Variants in ADCY8 observed in about 807,000 individuals in gnomAD.
ADCY8 encodes the protein adenylate cyclase 8, also known as adenylate cyclase type 8.
In ADCY8, 51 loss-of-function variants were observed where a neutral mutation model predicts 119.7. The observed-to-expected ratio is 0.43, with a 90% confidence interval of 0.34 to 0.54. ADCY8 has a LOEUF of 0.54. ADCY8 is among the 20% of genes least tolerant of loss of function. The pLI is 0.03. For synonymous variants in ADCY8, 665 were observed against 651.0 expected (o/e 1.02, Z -0.33); for missense variants, 1,383 against 1,598.8 (o/e 0.87, Z 2.30).
At chr8:130,807,286 G>A (rs1167987159) in intron 14 of ADCY8, among the ~76,000 whole-genome samples, 1 of 152,182 alleles carries the variant, frequency 6.6e-6, no homozygotes, top group Non-Finnish European at 1.5e-5. Context: ...CTATGTCTGA[G>A]ACTTGCAAAC....
chr8:130,837,213 T>C (rs1480107684), intron 11 of ADCY8, among the ~76,000 whole-genome samples: 1 of 152,210 alleles, frequency 6.6e-6, no homozygotes, highest in African/African-American at 2.4e-5. Context: ...TCTGATCATG[T>C]CACCTCTTAA....
chr8:130,948,645 T>TAAA (rs34700138), intron 3 of ADCY8, among the ~76,000 whole-genome samples: 7 of 91,194 alleles, frequency 7.7e-5, no homozygotes, highest in East Asian at 3.9e-4. Flanking sequence ...TCTTCAAAAT[T>TAAA]AAAAAAAAAA....
chr8:131,012,338 C>T (rs539527921), intron 1 of ADCY8, among the ~76,000 whole-genome samples: 132 of 152,318 alleles, frequency 8.7e-4, no homozygotes, highest in Middle Eastern at 3.4e-3. Context: ...AGCAGAGGTA[C>T]TAGTGGAGTG....
chr8:130,798,638 G>T (rs75455391), intron 15 of ADCY8, among the ~76,000 whole-genome samples: 6,116 of 152,284 alleles, frequency 0.04, 166 homozygotes, highest in Middle Eastern at 0.071. Flanking sequence ...TGCCTTTGGT[G>T]ATTGCTAATG....
intron 2 of ADCY8, among the ~76,000 whole-genome samples, chr8:130,953,855 T>C (rs1363979451): frequency 1.3e-5 from 2 of 152,224 alleles, no homozygotes; most frequent in East Asian, 3.9e-4. Context: ...AGCCCTTTCT[T>C]CTCTTGAGTG....
intron 13 of ADCY8, among the ~76,000 whole-genome samples, chr8:130,818,514 C>T (rs917159728): frequency 2.4e-4 from 37 of 152,312 alleles, no homozygotes; most frequent in African/African-American, 8.7e-4. Flanking sequence ...CACATATGTG[C>T]AAGATAAAAA....
intron 5 of ADCY8, among the ~76,000 whole-genome samples, chr8:130,916,097 G>A (rs1346602786): frequency 1.3e-5 from 2 of 152,132 alleles, no homozygotes; most frequent in Non-Finnish European, 2.9e-5. Context: ...AGTCACGAGA[G>A]GTATATTGCT....
At chr8:130,812,639 T>C (rs893499848) in intron 14 of ADCY8, among the ~76,000 whole-genome samples, 3 of 152,192 alleles carry the variant, frequency 2.0e-5, no homozygotes, top group African/African-American at 7.2e-5. Context: ...CCAGACCCTA[T>C]GGAGAGGGCA....
chr8:130,993,425 A>G (rs554899681), intron 1 of ADCY8, among the ~76,000 whole-genome samples: 1 of 152,338 alleles, frequency 6.6e-6, no homozygotes, highest in Non-Finnish European at 1.5e-5. Flanking sequence ...GCAAAGATAG[A>G]GATAATCTGG....
chr8:130,787,380 C>T (rs1196089876), intron 15 of ADCY8, among the ~76,000 whole-genome samples: 3 of 152,098 alleles, frequency 2.0e-5, no homozygotes, highest in Admixed American at 6.6e-5. Context: ...TGCTGTGTGG[C>T]GTTCCTGCAA....
chr8:130,952,983 CAAT>C (rs796259055), intron 2 of ADCY8, among the ~76,000 whole-genome samples: 8 of 152,222 alleles, frequency 5.3e-5, no homozygotes, highest in East Asian at 1.9e-4. Flanking sequence ...TAACACCAAA[CAAT>C]AATATTTCTA....
intron 2 of ADCY8, among the ~76,000 whole-genome samples, chr8:130,963,476 TAAATC>T (rs892147033): frequency 2.0e-5 from 3 of 152,220 alleles, no homozygotes; most frequent in African/African-American, 7.2e-5. Context: ...TTTATTAAAT[TAAATC>T]ATTTATGTAT....
chr8:130,862,751 C>T (rs1817982372), intron 9 of ADCY8, among the ~76,000 whole-genome samples: 2 of 152,154 alleles, frequency 1.3e-5, no homozygotes, highest in African/African-American at 2.4e-5. Context: ...CTTTCACTCA[C>T]GTGTGATTGA....
At chr8:130,894,648 G>A (rs1819320881) in intron 7 of ADCY8, among the ~76,000 whole-genome samples, 1 of 152,116 alleles carries the variant, frequency 6.6e-6, no homozygotes, top group Non-Finnish European at 1.5e-5. Flanking sequence ...CATACTGTAT[G>A]CTTACTGAAG....
At chr8:131,019,521 CA>C (rs1485475098) in intron 1 of ADCY8, among the ~76,000 whole-genome samples, 1 of 152,150 alleles carries the variant, frequency 6.6e-6, no homozygotes, top group African/African-American at 2.4e-5. Flanking sequence ...GGATTTGAGC[CA>C]GATAGAAACA....
At chr8:130,794,801 C>A (rs551366390) in intron 15 of ADCY8, among the ~76,000 whole-genome samples, 8 of 152,322 alleles carry the variant, frequency 5.3e-5, no homozygotes, top group African/African-American at 1.9e-4. Context: ...CTTACAATGA[C>A]CCTACTGTAT....
chr8:130,862,955 G>C (rs960323281), intron 9 of ADCY8, among the ~76,000 whole-genome samples: 1 of 152,164 alleles, frequency 6.6e-6, no homozygotes, highest in African/African-American at 2.4e-5. Context: ...AGAAGAATCT[G>C]TATTCTTCCA....
intron 15 of ADCY8, among the ~76,000 whole-genome samples, chr8:130,787,231 T>C (rs1187715647): frequency 6.6e-6 from 1 of 152,036 alleles, no homozygotes; most frequent in Non-Finnish European, 1.5e-5. Flanking sequence ...ATTCTTATTG[T>C]CATGAGGGGA....
rs1033112369 is a variant in ADCY8 at position 130,851,907 on chromosome 8, G to A, written c.2211-2104C>T. 3.9e-5 allele frequency among the ~76,000 whole-genome samples: 6 copies of A among 152,306 alleles called. No homozygotes were observed. In the East Asian group the frequency reaches 1.2e-3, roughly 29 times the overall value. ...CAGTTACAGATATCTAGATGTCCAG[G>A]CAGTGAGGGACAATTGAGGAACTCT... is the stretch of plus-strand genomic sequence containing the variant. On this transcript the variant is annotated intron_variant, in intron 9 of 17. Transcript: ENST00000286355.
Sources: gnomAD v4.1 joint callset for allele counts (sites outside exome capture counted in the v4.1 genomes callset) on GRCh38, gnomAD v4.1.1 for gene constraint, MANE v1.5 for transcripts, NCBI Gene and HGNC (gene_info 2026-07-23, HGNC 2026-07-21) for gene names.